Variants in MGAM observed in about 807,000 individuals in gnomAD.
MGAM encodes alpha-1,4-glucosidase.
In MGAM, 253 loss-of-function variants were observed where a neutral mutation model predicts 358.8. The ratio of observed to expected loss-of-function variants is 0.71; its 90% CI spans 0.64 to 0.78. The LOEUF (loss-of-function observed/expected upper bound fraction) is 0.78, where lower values mean the gene tolerates loss of function less well. Among genes scored for constraint, MGAM ranks in the 30% least tolerant of loss-of-function variants. The pLI is 0.00. For missense variants in MGAM, 3,080 were observed against 3,432.6 expected (o/e 0.90, Z 2.57); for synonymous variants, 1,105 against 1,227.1 (o/e 0.90, Z 2.08).
In MGAM at chr7:142,060,504, G is replaced by A. The variant is rs1349516035; in HGVS notation, c.4122+131G>A. ...GAGAAACACTTAGGTGATGTGTCTT[G>A]GGTGTCATTCTGTATGCCTATTACT... On this transcript the variant is annotated intron_variant, in intron 34 of 70. Coordinates refer to ENST00000475668, the MANE Select transcript of MGAM (RefSeq NM_001365693.1). 5 of 1,091,094 alleles carry A rather than the reference G, an allele frequency of 4.6e-6. No individual in the cohort carries two copies. In the African/African-American group the frequency reaches 6.1e-5, roughly 13 times the overall value. 67.6% of individuals were successfully genotyped at this position (1,091,094 alleles called of 1,614,324 possible).
Position 142,030,758 on chromosome 7 carries a change from G to T in MGAM, c.1470+1G>T. ...TGGAGTGACTCCACTCATTGGGGAG[G>T]TAACTTAATGGGAAGGCTGGAGGCT... On this transcript the variant is annotated splice_donor_variant, in intron 12 of 70. Transcript: ENST00000475668. LOFTEE classifies it high-confidence loss of function. 2 of 1,588,850 alleles carry T rather than the reference G, an allele frequency of 1.3e-6. No individual in the cohort carries two copies. The highest frequency in any genetic ancestry group is 1.7e-6 in the Non-Finnish European group (2 of 1,157,206).
At position 142,067,285 on chromosome 7, in the gene MGAM, A is replaced by G; in HGVS notation, c.4920-56A>G. 12 of 1,172,042 alleles carry G rather than the reference A, an allele frequency of 1.0e-5. 1 individual carries two copies. The South Asian group carries it at 1.5e-4, about 15-fold the overall frequency. 72.6% of individuals were successfully genotyped at this position (1,172,042 alleles called of 1,614,324 possible). On this transcript the variant is annotated intron_variant, in intron 41 of 70. Coordinates refer to ENST00000475668, the MANE Select transcript of MGAM (RefSeq NM_001365693.1). ...ATCTGAACTTGAGGAGCTTCTTCAG[A>G]GTGTCGGGCTGGGGCTCTGTTGGGC...
chr7:141,995,465 A>G (rs540731534), upstream of MGAM, among the ~76,000 whole-genome samples: 1 of 152,352 alleles, frequency 6.6e-6, no homozygotes, highest in South Asian at 2.1e-4. Context: ...ACTTCCTTCC[A>G]TCACAATCAT....
At chr7:142,055,895 T>C in intron 28 of MGAM, 105 bp from the exon 29 acceptor site, 1 of 1,460,538 alleles carries the variant, frequency 6.8e-7, no homozygotes, top group Non-Finnish European at 9.3e-7. Context: ...GTGTCTAGTT[T>C]CATGGAGAAA....
chr7:142,012,005 A>T (rs28476688), intron 3 of MGAM, among the ~76,000 whole-genome samples: 5,607 of 152,276 alleles, frequency 0.037, 340 homozygotes, highest in African/African-American at 0.13. Context: ...TTCATTCGTT[A>T]GTTCAAACTT....
chr7:142,076,165 G>A (rs1442175652), intron 45 of MGAM, 38 bp from the exon 46 acceptor site: 2 of 1,472,708 alleles, frequency 1.4e-6, no homozygotes, highest in East Asian at 2.3e-5. Flanking sequence ...TCTGTGGTGG[G>A]CAAGCCGGAG....
At chr7:142,044,257 A>T (rs536883997) in intron 21 of MGAM, among the ~76,000 whole-genome samples, 6 of 117,350 alleles carry the variant, frequency 5.1e-5, no homozygotes, top group African/African-American at 1.6e-4. Flanking sequence ...CACATACGAC[A>T]TATAATATAT....
At position 142,058,584 on chromosome 7, in the gene MGAM, G is replaced by A. The variant is rs578131829; in HGVS notation, c.3819+256G>A. ...GCTCCAGGGCTCTTTCTGCTCTCCC[G>A]TGCTTCCTTCCATTTCTTTCACTTG... On this transcript the variant is annotated intron_variant, in intron 31 of 70. Coordinates refer to ENST00000475668, the MANE Select transcript of MGAM (RefSeq NM_001365693.1). 6.6e-5 allele frequency among the ~76,000 whole-genome samples: 10 copies of A among 152,280 alleles called. No individual in the cohort carries two copies. The South Asian group carries it at 1.7e-3, about 25-fold the overall frequency.
intron 54 of MGAM, 146 bp from the exon 55 acceptor site, chr7:142,085,687 C>T: frequency 8.7e-7 from 1 of 1,155,120 alleles, no homozygotes; most frequent in Non-Finnish European, 1.2e-6. Flanking sequence ...TTCCCAGCAC[C>T]TGTACCTAAC....
Position 142,103,435 on chromosome 7 carries a change from C to A in MGAM, c.8180C>A (p.Thr2727Lys). ...ITPSFNNDPT[T>K]QVLSIDVTDR... The stretch of plus-strand genomic sequence containing the variant: ...CCCTCCTTCAACAATGACCCCACGA[C>A]ACAGGTTTGTGACCAGCAAAAAGTG... The change falls in exon 70 of 71, where the codon ACA becomes AAA. Residue 2727 changes from threonine (T) to lysine (K), a missense_variant. Transcript: ENST00000475668. 1 of 1,600,800 alleles carries A rather than the reference C, an allele frequency of 6.2e-7. No homozygotes were observed. Among genetic ancestry groups the A allele is most frequent in the Non-Finnish European group, 8.5e-7 (1 of 1,174,520 alleles).
Position 142,092,056 on chromosome 7 carries a change from G to T in MGAM, c.6945+9G>T, listed in dbSNP as rs1481298439. 2 of 1,542,910 alleles carry T rather than the reference G, an allele frequency of 1.3e-6. No homozygotes were observed. Among genetic ancestry groups the T allele is most frequent in the Non-Finnish European group, 1.8e-6 (2 of 1,125,662 alleles). On this transcript the variant is annotated intron_variant, in intron 58 of 70. Transcript: ENST00000475668. ...TTGATGGCATGTGGATTGTAAGTGTGTGTGTGTCTCTGTGTACCAGTGACA... is the reference window on the plus strand; with the variant it reads ...TTGATGGCATGTGGATTGTAAGTGTTTGTGTGTCTCTGTGTACCAGTGACA...
intron 1 of MGAM, among the ~76,000 whole-genome samples, chr7:142,003,763 C>A (rs1804927282): frequency 2.0e-5 from 3 of 151,704 alleles, no homozygotes; most frequent in Admixed American, 2.0e-4. Flanking sequence ...AACAGACAAC[C>A]AACAGAATGG....
rs1033247633 is a variant in MGAM, at chr7:142,085,720, A to T, written c.6508-113A>T. 26 of 1,332,370 alleles carry T rather than the reference A, an allele frequency of 2.0e-5. 4 individuals carry two copies. The highest frequency in any genetic ancestry group is 5.1e-5 in the Admixed American group (2 of 39,532). The allele number at this position is 1,332,370 out of a possible 1,614,324, so 82.5% of individuals were successfully genotyped here. A position where few individuals can be genotyped will look rare whatever the true frequency, so the allele number is the denominator to read the frequency against. On this transcript the variant is annotated intron_variant, in intron 54 of 70. Transcript: ENST00000475668. Reference sequence around the variant, plus strand: ...AACAAATGGCAGAGCTCGGACTTGAAAGCATCAACAAGAAGCTATCTGGAA... The same window carrying T: ...AACAAATGGCAGAGCTCGGACTTGATAGCATCAACAAGAAGCTATCTGGAA...
chr7:142,066,641 C>T lies in MGAM; in HGVS notation c.4839C>T (p.Tyr1613=), dbSNP rs376478129. Residue 1613 remains tyrosine (Y), a synonymous_variant, in exon 41 of 71, where the codon TAC becomes TAT. Coordinates refer to ENST00000475668, the MANE Select transcript of MGAM (RefSeq NM_001365693.1). ...CCAGAAATGTCCTGCAGACCAGATACACCCTGTTGCCATATCTGTATACCT... is the reference window on the plus strand; with the variant it reads ...CCAGAAATGTCCTGCAGACCAGATATACCCTGTTGCCATATCTGTATACCT... The part of the protein sequence containing the change: ...NISRNVLQTR[Y]TLLPYLYTLM... The T allele has an allele frequency of 1.3e-6, 2 of 1,555,780 alleles. No homozygotes were observed. Among genetic ancestry groups the T allele is most frequent in the Middle Eastern group, 1.7e-4 (1 of 5,920 alleles).
chr7:142,008,666 G>A lies in MGAM; in HGVS notation c.288G>A (p.Leu96=). Reference sequence around the variant, plus strand: ...CTGAATGTCCAGTGGTAAATGAATTGGAACGAATTAATTGCATCCCTGACC... The same window carrying A: ...CTGAATGTCCAGTGGTAAATGAATTAGAACGAATTAATTGCATCCCTGACC... The part of the protein sequence containing the change: ...VSAECPVVNE[L]ERINCIPDQP... The change falls in exon 3 of 71, where the codon TTG becomes TTA. Residue 96 remains leucine (L), a synonymous_variant. Transcript: ENST00000475668. The A allele has an allele frequency of 6.2e-7, 1 of 1,613,372 alleles. No homozygotes were observed. The highest frequency in any genetic ancestry group is 8.5e-7 in the Non-Finnish European group (1 of 1,179,562).
rs908709801 is a variant in MGAM at position 142,106,451 on chromosome 7, A to T, written c.*560A>T. The T allele has an allele frequency of 3.3e-5, 5 of 152,220 alleles. No homozygotes were observed. Among genetic ancestry groups the T allele is most frequent in the Admixed American group, 3.3e-4 (5 of 15,276 alleles). 9.4% of individuals were successfully genotyped at this position (152,220 alleles called of 1,614,324 possible). A position where few individuals can be genotyped will look rare whatever the true frequency, so the allele number is the denominator to read the frequency against. On this transcript the variant is annotated 3_prime_UTR_variant, in exon 71 of 71. Coordinates refer to ENST00000475668, the MANE Select transcript of MGAM (RefSeq NM_001365693.1). Reference sequence around the variant, plus strand: ...GAAACAGAAGATGATAGTAAAAGTGATCCTAAGTAAGAACATAATGTAAAA... The same window carrying T: ...GAAACAGAAGATGATAGTAAAAGTGTTCCTAAGTAAGAACATAATGTAAAA...
intron 59 of MGAM, 81 bp from the exon 60 acceptor site, chr7:142,093,331 C>T (rs935812809): frequency 1.4e-6 from 2 of 1,444,706 alleles, no homozygotes; most frequent in African/African-American, 2.8e-5. Flanking sequence ...GTCTTAAGAT[C>T]CAGGGCCCAG....
At chr7:142,103,574 G>A in intron 70 of MGAM, 135 bp downstream of exon 70, 2 of 791,192 alleles carry the variant, frequency 2.5e-6, no homozygotes, top group Non-Finnish European at 3.7e-6. Context: ...CCATGTGTTA[G>A]GAATGGACCA....
chr7:142,067,972 A>AT, intron 42 of MGAM, among the ~76,000 whole-genome samples: 1 of 5,102 alleles, frequency 2.0e-4, no homozygotes, highest in Non-Finnish European at 7.9e-4. Flanking sequence ...ATAAATATAT[A>AT]TATATATATA....
Sources: allele counts gnomAD v4.1 joint callset (sites outside exome capture counted in the v4.1 genomes callset), GRCh38; gene constraint gnomAD v4.1.1; transcripts MANE v1.5; gene names NCBI Gene and HGNC (gene_info 2026-07-23, HGNC 2026-07-21).